Variants in PRKD1 observed in about 807,000 individuals in gnomAD.
PRKD1 encodes the protein protein kinase D1, also known as serine/threonine-protein kinase D1.
PRKD1 carries 63 observed loss-of-function variants against 95.9 expected under a neutral mutation model. The ratio of observed to expected loss-of-function variants is 0.66; its 90% CI spans 0.54 to 0.81. The LOEUF is 0.81. Among genes scored for constraint, PRKD1 ranks in the 30% least tolerant of loss-of-function variants. The pLI, the probability that PRKD1 is intolerant of heterozygous loss-of-function variation, is 0.00. For synonymous variants in PRKD1, 425 were observed against 423.1 expected (o/e 1.00, Z -0.05); for missense variants, 1,048 against 1,165.3 (o/e 0.90, Z 1.47).
chr14:29,645,329 A>G (rs1436998649), intron 4 of PRKD1, among the ~76,000 whole-genome samples: 2 of 152,152 alleles, frequency 1.3e-5, no homozygotes, highest in African/African-American at 4.8e-5. Flanking sequence ...GACCTGAGTC[A>G]TGCATGTTTT....
At chr14:29,734,944 C>T (rs1428866891) in intron 1 of PRKD1, among the ~76,000 whole-genome samples, 1 of 152,154 alleles carries the variant, frequency 6.6e-6, no homozygotes, top group Non-Finnish European at 1.5e-5. Context: ...TGCTGCTAGG[C>T]AGGAAGCTCA....
intron 2 of PRKD1, among the ~76,000 whole-genome samples, chr14:29,676,947 T>G (rs1181291075): frequency 6.6e-6 from 1 of 152,200 alleles, no homozygotes; most frequent in Non-Finnish European, 1.5e-5. Flanking sequence ...AAAATTCGGT[T>G]CCTCAGTCAC....
intron 2 of PRKD1, among the ~76,000 whole-genome samples, chr14:29,703,107 C>CT (rs1192044822): frequency 2.0e-5 from 3 of 152,112 alleles, no homozygotes; most frequent in African/African-American, 7.2e-5. Context: ...TTTGACCATT[C>CT]TTTGTCTATG....
In PRKD1 at chr14:29,576,752, AT is replaced by A. The variant is rs1382395316; in HGVS notation, c.*485del. ...CTTGTTCATGCATTTGTGTCTTAGGATTTTATTCCCTACCCTCCTCATTCAT... is the reference window on the plus strand; with the variant it reads ...CTTGTTCATGCATTTGTGTCTTAGGATTTATTCCCTACCCTCCTCATTCAT... On this transcript the variant is annotated 3_prime_UTR_variant, in exon 18 of 18. Transcript: ENST00000331968. 2.9e-5 allele frequency: 5 copies of A among 173,932 alleles called. No homozygotes were observed. Among genetic ancestry groups the A allele is most frequent in the Admixed American group, 5.4e-5 (1 of 18,466 alleles). 10.8% of individuals were successfully genotyped at this position (173,932 alleles called of 1,614,324 possible). A position where few individuals can be genotyped will look rare whatever the true frequency, so the allele number is the denominator to read the frequency against.
intron 16 of PRKD1, 133 bp downstream of exon 16, chr14:29,597,356 CTT>C: frequency 2.2e-6 from 2 of 919,860 alleles, no homozygotes; most frequent in East Asian, 5.6e-5. Flanking sequence ...TAATTCGTGT[CTT>C]TGTGTCTCCA....
intron 7 of PRKD1, among the ~76,000 whole-genome samples, 189 bp downstream of exon 7, chr14:29,636,101 C>A (rs1337786817): frequency 1.3e-5 from 2 of 151,900 alleles, no homozygotes; most frequent in African/African-American, 4.8e-5. Flanking sequence ...GAATGGCAAC[C>A]ACACTTCTCC....
intron 4 of PRKD1, among the ~76,000 whole-genome samples, chr14:29,650,008 C>T (rs1345105672): frequency 3.3e-5 from 5 of 152,206 alleles, no homozygotes; most frequent in Admixed American, 2.0e-4. Context: ...CACTCATACA[C>T]TTCCCTGCTT....
In PRKD1 at chr14:29,856,760, G is replaced by A. The variant is rs534156554; in HGVS notation, c.264+70489C>T. Among the ~76,000 whole-genome samples the A allele has an allele frequency of 2.7e-3, 408 of 152,234 alleles. 1 individual carries two copies. Among genetic ancestry groups the A allele is most frequent in the African/African-American group, 9.6e-3 (399 of 41,528 alleles). On this transcript the variant is annotated intron_variant, in intron 1 of 17. Coordinates refer to ENST00000331968, the MANE Select transcript of PRKD1 (RefSeq NM_002742.3). ...GTACCTAAAATAGGAACAGACTCCC[G>A]GGCACATCTCTGAGGCTGGTAAGCT...
intron 13 of PRKD1, among the ~76,000 whole-genome samples, chr14:29,607,632 G>A (rs1428908376): frequency 2.6e-5 from 4 of 152,294 alleles, no homozygotes; most frequent in African/African-American, 9.6e-5. Context: ...GCTACTGCGT[G>A]TGGAGTCCTT....
At position 29,636,618 on chromosome 14, in the gene PRKD1, TA is replaced by T. The variant is rs1252232370; in HGVS notation, c.986-125del. On this transcript the variant is annotated intron_variant, in intron 6 of 17. Transcript: ENST00000331968. ...CAAAGAGGTAGTTCTGTGATGAGTT[TA>T]TTTTTTATTTTTTAACTTTTATTTT... The T allele has an allele frequency of 4.4e-5, 39 of 887,358 alleles. No individual in the cohort carries two copies. The African/African-American group carries it at 6.3e-4, about 14-fold the overall frequency. 55.0% of individuals were successfully genotyped at this position (887,358 alleles called of 1,614,324 possible). A position where few individuals can be genotyped will look rare whatever the true frequency, so the allele number is the denominator to read the frequency against.
At chr14:29,846,290 CA>C (rs1311325144) in intron 1 of PRKD1, among the ~76,000 whole-genome samples, 3 of 151,832 alleles carry the variant, frequency 2.0e-5, no homozygotes, top group Non-Finnish European at 2.9e-5. Flanking sequence ...ATAAGTGCTC[CA>C]AAAAAACTGA....
intron 1 of PRKD1, among the ~76,000 whole-genome samples, chr14:29,859,643 T>G (rs1892635182): frequency 1.3e-5 from 2 of 151,988 alleles, no homozygotes; most frequent in Admixed American, 1.3e-4. Context: ...AATAATGTCT[T>G]TATATTCAGT....
At chr14:29,654,240 T>C (rs1881702218) in intron 4 of PRKD1, among the ~76,000 whole-genome samples, 3 of 152,108 alleles carry the variant, frequency 2.0e-5, no homozygotes, top group African/African-American at 4.8e-5. Context: ...GGCATGATCT[T>C]GGCCCAATGC....
intron 1 of PRKD1, among the ~76,000 whole-genome samples, chr14:29,773,168 A>C (rs1360084081): frequency 2.0e-5 from 3 of 152,336 alleles, no homozygotes; most frequent in Admixed American, 1.3e-4. Flanking sequence ...AGTTTTTAAA[A>C]GAGTGAAAAT....
chr14:29,595,180 A>G (rs1893256980), intron 16 of PRKD1, among the ~76,000 whole-genome samples: 1 of 152,170 alleles, frequency 6.6e-6, no homozygotes, highest in Non-Finnish European at 1.5e-5. Flanking sequence ...AGACATTTCT[A>G]TAGCCAAGTA....
intron 2 of PRKD1, among the ~76,000 whole-genome samples, chr14:29,715,655 C>G (rs1363996647): frequency 6.6e-6 from 1 of 152,082 alleles, no homozygotes. Flanking sequence ...AAGGTTTTTT[C>G]AAACATTCTA....
chr14:29,859,815 G>T (rs980440978), intron 1 of PRKD1, among the ~76,000 whole-genome samples: 1 of 152,110 alleles, frequency 6.6e-6, no homozygotes, highest in African/African-American at 2.4e-5. Context: ...GCAAAAAGAC[G>T]TGGAATTCTT....
At chr14:29,797,119 G>C (rs959118157) in intron 1 of PRKD1, among the ~76,000 whole-genome samples, 1 of 152,100 alleles carries the variant, frequency 6.6e-6, no homozygotes, top group Non-Finnish European at 1.5e-5. Context: ...CCAGACCTAC[G>C]ATAAAAAGGG....
At chr14:29,832,905 G>C (rs1348774496) in intron 1 of PRKD1, among the ~76,000 whole-genome samples, 4 of 151,562 alleles carry the variant, frequency 2.6e-5, no homozygotes, top group Non-Finnish European at 5.9e-5. Context: ...TATTCCTTTT[G>C]TACCTAGGTA....
Sources: gnomAD v4.1 joint callset for allele counts (sites outside exome capture counted in the v4.1 genomes callset) on GRCh38, gnomAD v4.1.1 for gene constraint, MANE v1.5 for transcripts, NCBI Gene and HGNC (gene_info 2026-07-23, HGNC 2026-07-21) for gene names.